The following BZW2 variants were observed in gnomAD, a reference collection of about 807,000 sequenced individuals.
The protein encoded by BZW2 is eIF5-mimic protein 1.
In BZW2, 23 loss-of-function variants were observed where a neutral mutation model predicts 53.2. That is an observed-to-expected ratio of 0.43 (90% CI 0.31 to 0.61). The LOEUF is 0.61. Among genes scored for constraint, BZW2 ranks in the 20% least tolerant of loss-of-function variants. The pLI is 0.09. For synonymous variants in BZW2, 227 were observed against 186.4 expected, an observed-to-expected ratio of 1.22 and a Z score of -1.77; for missense variants, 409 against 503.1, an observed-to-expected ratio of 0.81 and a Z score of 1.79.
At chr7:16,667,294 A>AC (rs1782461403) in intron 2 of BZW2, among the ~76,000 whole-genome samples, 1 of 141,572 alleles carries the variant, frequency 7.1e-6, no homozygotes, top group Non-Finnish European at 1.5e-5. Flanking sequence ...AAAAAAAAAC[A>AC]AAAAAAAAAA....
chr7:16,677,472 T>C (rs1333678965), intron 3 of BZW2, among the ~76,000 whole-genome samples: 1 of 152,128 alleles, frequency 6.6e-6, no homozygotes, highest in African/African-American at 2.4e-5. Flanking sequence ...TCCTGCTGAA[T>C]TGAGGTGTAG....
At chr7:16,683,119 C>T (rs1401826071) in intron 5 of BZW2, among the ~76,000 whole-genome samples, 1 of 152,136 alleles carries the variant, frequency 6.6e-6, no homozygotes, top group African/African-American at 2.4e-5. Context: ...TTGCTTGAAC[C>T]TGGGCAGCAG....
In BZW2 at chr7:16,698,250, A is replaced by G. The variant is rs899546986; in HGVS notation, c.1108+64A>G. ...GCTGAAGCTCTTTGAGAGGCAGAGC[A>G]GGCAATGAGGCAGAGGAGGTCATGG... is the stretch of plus-strand genomic sequence containing the variant. On this transcript the variant is annotated intron_variant, in intron 10 of 11. Transcript: ENST00000258761. 6.9e-6 allele frequency: 11 copies of G among 1,590,850 alleles called. No individual in the cohort carries two copies. In the South Asian group the frequency reaches 1.0e-4, roughly 15 times the overall value.
At chr7:16,647,442 A>G (rs1045302000) in intron 1 of BZW2, among the ~76,000 whole-genome samples, 5 of 152,316 alleles carry the variant, frequency 3.3e-5, no homozygotes, top group Middle Eastern at 3.4e-3. Context: ...TTTCACTAAC[A>G]TCTGAAATCT....
At chr7:16,665,564 G>T (rs1372938095) in intron 2 of BZW2, 63 bp downstream of exon 2, 2 of 1,580,148 alleles carry the variant, frequency 1.3e-6, no homozygotes, top group African/African-American at 1.4e-5. Context: ...GATTGGAGAA[G>T]AATCTGAATG....
intron 1 of BZW2, among the ~76,000 whole-genome samples, chr7:16,658,440 T>G (rs1009930641): frequency 1.3e-5 from 2 of 152,142 alleles, no homozygotes; most frequent in African/African-American, 4.8e-5. Context: ...GGTCTTCTAA[T>G]TAGTTTAAGG....
intron 3 of BZW2, among the ~76,000 whole-genome samples, chr7:16,677,456 A>G (rs186269583): frequency 6.6e-6 from 1 of 152,248 alleles, no homozygotes; most frequent in Admixed American, 6.5e-5. Context: ...GACCGCTCTA[A>G]CTTCTTCCTG....
At chr7:16,652,548 CTGT>C (rs1782011420) in intron 1 of BZW2, among the ~76,000 whole-genome samples, 1 of 152,286 alleles carries the variant, frequency 6.6e-6, no homozygotes, top group Admixed American at 6.5e-5. Flanking sequence ...CGGAGTTTCG[CTGT>C]TGTTGCCCAG....
intron 2 of BZW2, among the ~76,000 whole-genome samples, chr7:16,666,093 A>ATATTTTATAT: frequency 6.6e-6 from 1 of 151,884 alleles, no homozygotes; most frequent in East Asian, 1.9e-4. Context: ...TGTGTAAATA[A>ATATTTTATAT]TATTTTATAT....
intron 2 of BZW2, among the ~76,000 whole-genome samples, chr7:16,666,845 G>C (rs1782444345): frequency 6.6e-6 from 1 of 152,096 alleles, no homozygotes; most frequent in Non-Finnish European, 1.5e-5. Flanking sequence ...TTGAAGCTGG[G>C]TTCAAGCGAT....
In BZW2 at chr7:16,695,017, G is replaced by A. The variant is rs6953930; in HGVS notation, c.822+13G>A. 5,522 of 1,559,724 alleles carry A rather than the reference G, an allele frequency of 3.5e-3. 169 individuals carry two copies. The African/African-American group carries it at 0.065, about 18-fold the overall frequency. On this transcript the variant is annotated intron_variant, in intron 8 of 11. Coordinates refer to ENST00000258761, the MANE Select transcript of BZW2 (RefSeq NM_014038.3). ...CCCGATCAAGGAGGTGGGAGACCAC[G>A]GGCAGACATCACCTCAATACACATG...
At position 16,689,794 on chromosome 7, in the gene BZW2, C is replaced by T. The variant is rs1414356839; in HGVS notation, c.542-3C>T. ...AATGAAATTCTCTTTTGTTTTTCAACAGGCATTGCGGCCTCATTTGCTGTC... is the reference window on the plus strand; with the variant it reads ...AATGAAATTCTCTTTTGTTTTTCAATAGGCATTGCGGCCTCATTTGCTGTC... On this transcript the variant is annotated splice_polypyrimidine_tract_variant and splice_region_variant and intron_variant, in intron 6 of 11. Transcript: ENST00000258761. The T allele has an allele frequency of 4.4e-6, 7 of 1,598,430 alleles. No homozygotes were observed. Among genetic ancestry groups the T allele is most frequent in the Non-Finnish European group, 5.1e-6 (6 of 1,171,072 alleles).
At chr7:16,662,352 A>G (rs968778227) in intron 1 of BZW2, 2 of 152,180 alleles carry the variant, frequency 1.3e-5, no homozygotes, top group Non-Finnish European at 2.9e-5. Context: ...TCCACATGGA[A>G]TGTATCGAGG....
intron 6 of BZW2, among the ~76,000 whole-genome samples, chr7:16,689,229 A>C (rs1385784859): frequency 1.3e-5 from 2 of 152,166 alleles, no homozygotes; most frequent in East Asian, 1.9e-4. Flanking sequence ...CCATCCCCCC[A>C]AAAATAAAAA....
chr7:16,689,573 A>C (rs981043809), intron 6 of BZW2, among the ~76,000 whole-genome samples: 37 of 152,372 alleles, frequency 2.4e-4, no homozygotes, highest in African/African-American at 7.9e-4. Flanking sequence ...GGATTCAAGG[A>C]GTCCAAATTT....
chr7:16,696,364 G>A (rs1330065865), intron 8 of BZW2, among the ~76,000 whole-genome samples: 1 of 152,144 alleles, frequency 6.6e-6, no homozygotes, highest in Non-Finnish European at 1.5e-5. Flanking sequence ...GAATACTGCT[G>A]AATTGATGTA....
intron 1 of BZW2, among the ~76,000 whole-genome samples, chr7:16,646,599 G>T (rs949947134): frequency 6.6e-6 from 1 of 152,214 alleles, no homozygotes; most frequent in African/African-American, 2.4e-5. Flanking sequence ...GGTCTCGTGC[G>T]TGGCACCGCC....
chr7:16,655,461 A>G (rs185782661), intron 1 of BZW2, among the ~76,000 whole-genome samples: 1 of 152,308 alleles, frequency 6.6e-6, no homozygotes, highest in Non-Finnish European at 1.5e-5. Flanking sequence ...ACATTGTGTA[A>G]TAATTAAATC....
chr7:16,667,244 G>A (rs1483971439), intron 2 of BZW2, among the ~76,000 whole-genome samples: 1 of 146,856 alleles, frequency 6.8e-6, no homozygotes, highest in East Asian at 2.0e-4. Context: ...TTGCACCACT[G>A]CACTGCAGCC....
Sources: allele counts gnomAD v4.1 joint callset (sites outside exome capture counted in the v4.1 genomes callset), GRCh38; gene constraint gnomAD v4.1.1; transcripts MANE v1.5; gene names NCBI Gene and HGNC (gene_info 2026-07-23, HGNC 2026-07-21).